Variants in GDPD4 observed in about 807,000 individuals in gnomAD.
GDPD4 encodes glycerophosphodiester phosphodiesterase domain containing 4.
Under a neutral mutation model 67.8 loss-of-function variants are expected in GDPD4, and 60 were observed. The observed-to-expected ratio is 0.88, with a 90% CI of 0.72 to 1.10. The LOEUF (loss-of-function observed/expected upper bound fraction) is 1.10, where lower values mean the gene tolerates loss of function less well. Among genes scored for constraint, GDPD4 ranks in the 50% least tolerant of loss-of-function variants. The probability of loss-of-function intolerance (pLI) is 0.00; values close to 1 mark genes in which losing one functional copy is unlikely to be tolerated. For missense variants in GDPD4, 623 were observed against 613.9 expected (o/e 1.01, Z -0.16); for synonymous variants, 212 against 210.9 (o/e 1.00, Z -0.04).
chr11:77,294,024 T>TGAGTTTGGC (rs1341379235), intron 1 of GDPD4, among the ~76,000 whole-genome samples: 1 of 152,180 alleles, frequency 6.6e-6, no homozygotes, highest in Non-Finnish European at 1.5e-5. Context: ...TTAGAATTAA[T>TGAGTTTGGC]AAGTGAGTTT....
At chr11:77,233,609 G>A (rs1958497480) in intron 13 of GDPD4, among the ~76,000 whole-genome samples, 1 of 152,110 alleles carries the variant, frequency 6.6e-6, no homozygotes, top group South Asian at 2.1e-4. Context: ...AAGCTGGTAT[G>A]AGCTGGCTCT....
chr11:77,292,195 T>C (rs985023834), intron 1 of GDPD4, among the ~76,000 whole-genome samples: 10 of 151,698 alleles, frequency 6.6e-5, no homozygotes, highest in African/African-American at 2.2e-4. Flanking sequence ...TCCAAAATTA[T>C]AGTCAGAGAT....
intron 1 of GDPD4, among the ~76,000 whole-genome samples, chr11:77,295,963 AT>A (rs1399970205): frequency 6.6e-6 from 1 of 151,866 alleles, no homozygotes; most frequent in African/African-American, 2.4e-5. Flanking sequence ...TTAATTAGAA[AT>A]TTCTTGGCCA....
At chr11:77,246,208 C>T (rs1958782844) in intron 11 of GDPD4, among the ~76,000 whole-genome samples, 1 of 152,134 alleles carries the variant, frequency 6.6e-6, no homozygotes, top group Non-Finnish European at 1.5e-5. Flanking sequence ...ATTACTTGAG[C>T]CCAGGAGTTT....
intron 3 of GDPD4, among the ~76,000 whole-genome samples, chr11:77,279,825 TA>T (rs34595834): frequency 9.3e-5 from 14 of 150,388 alleles, no homozygotes; most frequent in South Asian, 2.1e-4. Flanking sequence ...GCCACCATAT[TA>T]AAAAAAAAGC....
At chr11:77,258,862 G>A (rs1394004638) in intron 10 of GDPD4, among the ~76,000 whole-genome samples, 1 of 152,220 alleles carries the variant, frequency 6.6e-6, no homozygotes, top group Non-Finnish European at 1.5e-5. Flanking sequence ...AGGTAGGGAT[G>A]ATGCAAGGTC....
intron 16 of GDPD4, among the ~76,000 whole-genome samples, 155 bp downstream of exon 16, chr11:77,227,709 G>A (rs1394337650): frequency 2.0e-5 from 3 of 152,126 alleles, no homozygotes; most frequent in Non-Finnish European, 4.4e-5. Flanking sequence ...CAGAATCTAT[G>A]CCCAGCCTAT....
chr11:77,224,475 T>C (rs925481773), intron 16 of GDPD4, among the ~76,000 whole-genome samples: 3 of 152,228 alleles, frequency 2.0e-5, no homozygotes, highest in African/African-American at 4.8e-5. Flanking sequence ...TGGAGAGATA[T>C]TCTGTTGTTG....
At chr11:77,251,214 GTTTC>G (rs774295542) in intron 11 of GDPD4, among the ~76,000 whole-genome samples, 2 of 151,892 alleles carry the variant, frequency 1.3e-5, no homozygotes, top group African/African-American at 2.4e-5. Flanking sequence ...TATATTCTTT[GTTTC>G]TTCTTGTTTT....
chr11:77,240,130 T>TAA (rs33975580), intron 13 of GDPD4, among the ~76,000 whole-genome samples: 41,062 of 150,548 alleles, frequency 0.27, 6,567 homozygotes, highest in South Asian at 0.45. Flanking sequence ...TTCACAGAAA[T>TAA]AAAAAAAAAA....
chr11:77,253,628 C>T (rs755526285), intron 11 of GDPD4, among the ~76,000 whole-genome samples: 2 of 152,116 alleles, frequency 1.3e-5, no homozygotes, highest in Non-Finnish European at 2.9e-5. Flanking sequence ...AGCCATGGAA[C>T]GTGCAGTTGC....
chr11:77,217,359 A>ACTCT (rs748036028), intron 16 of GDPD4, 45 bp from the exon 17 acceptor site: 1 of 1,426,888 alleles, frequency 7.0e-7, no homozygotes, highest in South Asian at 1.1e-5. Flanking sequence ...TCACTTCTCC[A>ACTCT]CTCTCTGTCA....
chr11:77,296,947 G>A (rs879879048), intron 1 of GDPD4, among the ~76,000 whole-genome samples: 2 of 151,234 alleles, frequency 1.3e-5, no homozygotes, highest in South Asian at 4.2e-4. Flanking sequence ...CCAGCTATTC[G>A]GGAGGCTGAG....
intron 15 of GDPD4, 74 bp from the exon 16 acceptor site, chr11:77,227,990 G>T (rs1252047865): frequency 1.0e-6 from 1 of 976,174 alleles, no homozygotes; most frequent in East Asian, 2.4e-5. Context: ...TCCTCCTCCA[G>T]GATCTTCTTC....
intron 11 of GDPD4, among the ~76,000 whole-genome samples, chr11:77,253,973 G>A (rs1958954976): frequency 6.6e-6 from 1 of 152,154 alleles, no homozygotes; most frequent in African/African-American, 2.4e-5. Context: ...AGGTGTAACA[G>A]TTGCTTGGCC....
intron 12 of GDPD4, among the ~76,000 whole-genome samples, chr11:77,244,651 C>A (rs530102406): frequency 6.6e-6 from 1 of 152,108 alleles, no homozygotes; most frequent in African/African-American, 2.4e-5. Context: ...CAGGCCTGGG[C>A]AACATAGGGA....
intron 16 of GDPD4, among the ~76,000 whole-genome samples, chr11:77,221,321 G>A (rs1263370227): frequency 1.3e-5 from 2 of 152,140 alleles, no homozygotes; most frequent in African/African-American, 4.8e-5. Context: ...TAATTGTGAT[G>A]TTACAGTGTC....
At position 77,273,178 on chromosome 11, in the gene GDPD4, C is replaced by T. The variant is rs533707309; in HGVS notation, c.208-1785G>A. 1.1e-4 allele frequency among the ~76,000 whole-genome samples: 17 copies of T among 152,196 alleles called. No homozygotes were observed. In the South Asian group the frequency reaches 3.3e-3, roughly 30 times the overall value. Reference sequence around the variant, plus strand: ...GTTTACAAGGAGTTTGGGTTGATGCCATTTGCTTCTCTCTGGGCATCTGTA... The same window carrying T: ...GTTTACAAGGAGTTTGGGTTGATGCTATTTGCTTCTCTCTGGGCATCTGTA... On this transcript the variant is annotated intron_variant, in intron 5 of 16. Coordinates refer to ENST00000315938, the MANE Select transcript of GDPD4 (RefSeq NM_182833.3).
chr11:77,279,615 A>G (rs1032372917), intron 3 of GDPD4, among the ~76,000 whole-genome samples: 1 of 151,860 alleles, frequency 6.6e-6, no homozygotes, highest in African/African-American at 2.4e-5. Context: ...CTGTAAACGC[A>G]GTAGGATCTT....
Sources: allele counts gnomAD v4.1 joint callset (sites outside exome capture counted in the v4.1 genomes callset), GRCh38; gene constraint gnomAD v4.1.1; transcripts MANE v1.5; gene names NCBI Gene and HGNC (gene_info 2026-07-23, HGNC 2026-07-21).